Variants in ACTR3C observed in about 807,000 individuals in gnomAD.
The protein encoded by ACTR3C is actin related protein 3C.
ACTR3C carries 18 observed loss-of-function variants against 26.3 expected under a neutral mutation model. The observed-to-expected ratio is 0.68, with a 90% CI of 0.47 to 1.01. The LOEUF is 1.01. Ranked by LOEUF, ACTR3C falls within the 50% of genes least tolerant of loss-of-function variation. The pLI, the probability that ACTR3C is intolerant of heterozygous loss-of-function variation, is 0.00. For missense variants in ACTR3C, 184 were observed against 250.7 expected, an observed-to-expected ratio of 0.73 and a Z score of 1.80; for synonymous variants, 55 against 94.5, an observed-to-expected ratio of 0.58 and a Z score of 2.42.
intron 6 of ACTR3C, among the ~76,000 whole-genome samples, chr7:150,278,207 A>G (rs573717024): frequency 6.6e-6 from 1 of 152,258 alleles, no homozygotes; most frequent in African/African-American, 2.4e-5. Flanking sequence ...TTCCCCTCCC[A>G]TGCTGCATTC....
the ACTR3C span, among the ~76,000 whole-genome samples, chr7:150,178,691 T>C: frequency 1.3e-5 from 2 of 150,776 alleles, no homozygotes. Context: ...TACAAACATG[T>C]ACAGTCAATG....
chr7:149,914,485 C>T, the ACTR3C span, among the ~76,000 whole-genome samples: 20 of 151,898 alleles, frequency 1.3e-4, no homozygotes, highest in East Asian at 2.1e-3. Flanking sequence ...CCCAGCTACT[C>T]AGGAGGCTGA....
chr7:149,882,542 C>A, the ACTR3C span, among the ~76,000 whole-genome samples: 1 of 152,150 alleles, frequency 6.6e-6, no homozygotes, highest in Non-Finnish European at 1.5e-5. Flanking sequence ...GAGAGGGTCC[C>A]AGAGCTCATG....
the ACTR3C span, among the ~76,000 whole-genome samples, chr7:149,971,079 C>G: frequency 6.6e-6 from 1 of 152,204 alleles, no homozygotes; most frequent in Admixed American, 6.5e-5. Context: ...TGTCAGGAGG[C>G]AACCGATGGC....
chr7:150,129,472 C>T, the ACTR3C span, among the ~76,000 whole-genome samples: 3 of 148,556 alleles, frequency 2.0e-5, no homozygotes, highest in East Asian at 2.0e-4. Context: ...ATAAAATGAA[C>T]AGCTATGTAG....
the ACTR3C span, among the ~76,000 whole-genome samples, chr7:150,084,711 G>T: frequency 6.6e-6 from 1 of 152,208 alleles, no homozygotes. Context: ...CACCATTGGA[G>T]GTCAGTAAGG....
the ACTR3C span, among the ~76,000 whole-genome samples, chr7:150,028,113 C>T: frequency 1.2e-4 from 19 of 152,422 alleles, no homozygotes; most frequent in East Asian, 3.3e-3. Context: ...ATTTCTAAGT[C>T]GATATGTTTT....
the ACTR3C span, among the ~76,000 whole-genome samples, chr7:150,051,819 A>G: frequency 1.3e-5 from 2 of 151,960 alleles, no homozygotes; most frequent in South Asian, 2.1e-4. Context: ...TAAAATGACA[A>G]TGAAGGCAAA....
chr7:150,163,501 AAGG>A, the ACTR3C span, among the ~76,000 whole-genome samples: 2 of 151,696 alleles, frequency 1.3e-5, no homozygotes, highest in East Asian at 1.9e-4. Flanking sequence ...ATTTATATAA[AAGG>A]AGATTTTACA....
intron 6 of ACTR3C, among the ~76,000 whole-genome samples, chr7:150,278,169 CA>C (rs200080905): frequency 6.6e-6 from 1 of 152,234 alleles, no homozygotes; most frequent in South Asian, 2.1e-4. Flanking sequence ...CCTAGTGCTG[CA>C]ACACAGATCC....
the ACTR3C span, among the ~76,000 whole-genome samples, chr7:150,135,226 C>A: frequency 6.6e-6 from 1 of 152,200 alleles, no homozygotes; most frequent in Non-Finnish European, 1.5e-5. Context: ...GAGCTGAGAT[C>A]GCGCCACTGC....
the ACTR3C span, among the ~76,000 whole-genome samples, chr7:150,074,673 T>C: frequency 6.9e-6 from 1 of 145,162 alleles, no homozygotes; most frequent in African/African-American, 2.6e-5. Flanking sequence ...GGGCACACTA[T>C]TCCAAAGGTT....
At chr7:149,994,844 C>CTTTTT in the ACTR3C span, among the ~76,000 whole-genome samples, 2 of 112,418 alleles carry the variant, frequency 1.8e-5, no homozygotes, top group Non-Finnish European at 3.6e-5. Context: ...TGTTAACATT[C>CTTTTT]TTTTTTTTTT....
At chr7:150,276,343 T>C (rs2530934) in intron 6 of ACTR3C, among the ~76,000 whole-genome samples, 140 of 152,242 alleles carry the variant, frequency 9.2e-4, no homozygotes, top group African/African-American at 2.4e-3. Flanking sequence ...CTCATAGACA[T>C]GCCTTCCCCT....
the ACTR3C span, among the ~76,000 whole-genome samples, chr7:150,046,362 A>G: frequency 4.3e-5 from 1 of 23,376 alleles, no homozygotes; most frequent in Non-Finnish European, 9.6e-5. Flanking sequence ...CCCCCCCCCG[A>G]CCCAAACACA....
In ACTR3C at chr7:150,289,455, T is replaced by C; in HGVS notation, c.292A>G (p.Ile98Val). ...PEQSLETAKAIKEKYCYICPD... is the reference protein window; with the variant it reads ...PEQSLETAKAVKEKYCYICPD... ...GGTTTCCCATCTGTTTTTACCTTAA[T>C]GGCTTTTGCGGTCTCCAGTGACTGC... is the stretch of plus-strand genomic sequence containing the variant. Residue 98 changes from isoleucine (I) to valine (V), a missense_variant, in exon 4 of 8, where the codon ATT (isoleucine) becomes GTT (valine). By Grantham distance (29) the Ile-to-Val change is conservative. Coordinates refer to ENST00000683684, the MANE Select transcript of ACTR3C (RefSeq NM_001164458.2). 6.3e-7 allele frequency: 1 copy of C among 1,578,834 alleles called. No individual in the cohort carries two copies. Among genetic ancestry groups the C allele is most frequent in the Non-Finnish European group, 8.6e-7 (1 of 1,165,386 alleles).
the ACTR3C span, among the ~76,000 whole-genome samples, chr7:150,217,336 G>A: frequency 1.3e-5 from 2 of 151,396 alleles, no homozygotes; most frequent in Non-Finnish European, 2.9e-5. Context: ...GATGTCTAAC[G>A]TAATACATAC....
chr7:150,158,815 G>GGCACACACAT, the ACTR3C span, among the ~76,000 whole-genome samples: 2 of 149,544 alleles, frequency 1.3e-5, no homozygotes, highest in East Asian at 3.9e-4. Flanking sequence ...CACACACACA[G>GGCACACACAT]GCACACACAT....
At chr7:149,904,549 C>CA in the ACTR3C span, among the ~76,000 whole-genome samples, 1 of 73,382 alleles carries the variant, frequency 1.4e-5, no homozygotes, top group Admixed American at 1.6e-4. Context: ...ACAACAACAA[C>CA]AAAAAAAACT....
Sources: allele counts gnomAD v4.1 joint callset (sites outside exome capture counted in the v4.1 genomes callset), GRCh38; gene constraint gnomAD v4.1.1; transcripts MANE v1.5; gene names NCBI Gene and HGNC (gene_info 2026-07-23, HGNC 2026-07-21).